Variants in HNRNPC observed in about 807,000 individuals in gnomAD.
The protein encoded by HNRNPC is heterogeneous nuclear ribonucleoproteins C1/C2.
In HNRNPC, 3 loss-of-function variants were observed where a neutral mutation model predicts 33.2. The observed-to-expected ratio is 0.09, with a 90% CI of 0.04 to 0.23. HNRNPC has a LOEUF of 0.23. HNRNPC is among the 10% of genes least tolerant of loss of function. The pLI is 1.00. For synonymous variants in HNRNPC, 121 were observed against 126.7 expected, an observed-to-expected ratio of 0.96 and a Z score of 0.30; for missense variants, 143 against 366.7, an observed-to-expected ratio of 0.39 and a Z score of 4.98.
At chr14:21,248,323 G>T (rs1022968750) in intron 2 of HNRNPC, among the ~76,000 whole-genome samples, 1 of 152,168 alleles carries the variant, frequency 6.6e-6, no homozygotes, top group East Asian at 1.9e-4. Flanking sequence ...GATTACAGGC[G>T]TGAGCCCCTG....
chr14:21,227,508 G>A (rs1893608709), intron 5 of HNRNPC, among the ~76,000 whole-genome samples: 1 of 152,154 alleles, frequency 6.6e-6, no homozygotes, highest in Admixed American at 6.5e-5. Flanking sequence ...ATCGGCTGGT[G>A]CAAAAATAAT....
At chr14:21,260,563 G>A (rs1363399523) in intron 2 of HNRNPC, among the ~76,000 whole-genome samples, 2 of 151,902 alleles carry the variant, frequency 1.3e-5, no homozygotes, top group African/African-American at 4.8e-5. Flanking sequence ...TCACACCTGT[G>A]ATCCCAAAAC....
chr14:21,222,961 G>A (rs1297782406), intron 5 of HNRNPC, among the ~76,000 whole-genome samples: 9 of 152,064 alleles, frequency 5.9e-5, no homozygotes, highest in Admixed American at 5.2e-4. Context: ...AGCACTTTGG[G>A]AGGCTGAGGC....
At chr14:21,244,670 G>A (rs1013039722) in intron 2 of HNRNPC, among the ~76,000 whole-genome samples, 5 of 152,108 alleles carry the variant, frequency 3.3e-5, no homozygotes, top group African/African-American at 4.8e-5. Context: ...GAATTGTATC[G>A]TTATGCAATT....
intron 2 of HNRNPC, among the ~76,000 whole-genome samples, chr14:21,261,252 T>C: frequency 6.6e-6 from 1 of 152,182 alleles, no homozygotes; most frequent in Non-Finnish European, 1.5e-5. Flanking sequence ...AACTATTTTT[T>C]ATATCCCCAA....
chr14:21,236,974 ATAGACT>A (rs1894764587), intron 2 of HNRNPC, among the ~76,000 whole-genome samples: 1 of 152,234 alleles, frequency 6.6e-6, no homozygotes, highest in African/African-American at 2.4e-5. Flanking sequence ...TTGGAGAATA[ATAGACT>A]TAGAAATACA....
At position 21,227,212 on chromosome 14, in the gene HNRNPC, A is replaced by C. The variant is rs181992904; in HGVS notation, c.365+3107T>G. Among the ~76,000 whole-genome samples the C allele has an allele frequency of 7.6e-3, 1,152 of 150,992 alleles. 10 individuals carry two copies. Among genetic ancestry groups the C allele is most frequent in the Middle Eastern group, 0.017 (5 of 294 alleles). ...CTGCCCCTCTCCCCACTAAACAAACACTCCTCCTCCTTTCACCTTCATTAA... is the reference window on the plus strand; with the variant it reads ...CTGCCCCTCTCCCCACTAAACAAACCCTCCTCCTCCTTTCACCTTCATTAA... On this transcript the variant is annotated intron_variant, in intron 5 of 8. Coordinates refer to ENST00000553300, the MANE Select transcript of HNRNPC (RefSeq NM_004500.4).
intron 2 of HNRNPC, among the ~76,000 whole-genome samples, chr14:21,257,330 G>A (rs1877393752): frequency 6.6e-6 from 1 of 151,782 alleles, no homozygotes; most frequent in Admixed American, 6.6e-5. Context: ...CACTCCAACA[G>A]AAAGAAGTTT....
chr14:21,266,676 T>C (rs1302614585), intron 1 of HNRNPC, among the ~76,000 whole-genome samples: 1 of 149,358 alleles, frequency 6.7e-6, no homozygotes, highest in African/African-American at 2.5e-5. Context: ...ACCTTCCCAT[T>C]TCCAATGAGA....
chr14:21,259,196 T>C (rs1444111122), intron 2 of HNRNPC, among the ~76,000 whole-genome samples: 3 of 152,198 alleles, frequency 2.0e-5, no homozygotes, highest in Non-Finnish European at 4.4e-5. Context: ...CTTTCACATA[T>C]GGTTTTCTTA....
chr14:21,268,317 G>C (rs1879356250), intron 1 of HNRNPC, among the ~76,000 whole-genome samples: 1 of 152,120 alleles, frequency 6.6e-6, no homozygotes, highest in African/African-American at 2.4e-5. Context: ...TATCCCGAAA[G>C]TCAAATTTTG....
Position 21,256,081 on chromosome 14 carries a change from T to TG in HNRNPC, c.-37+7229dup, listed in dbSNP as rs548830642. Among the ~76,000 whole-genome samples, 15 of 151,656 alleles carry TG rather than the reference T, an allele frequency of 9.9e-5. No individual in the cohort carries two copies. The East Asian group carries it at 2.2e-3, about 22-fold the overall frequency. On this transcript the variant is annotated intron_variant, in intron 2 of 8. Coordinates refer to ENST00000553300, the MANE Select transcript of HNRNPC (RefSeq NM_004500.4). ...ACACAACAAATCACGTGGGATGCCCTGTAAATCACAGAAAAATTTTTGACT... is the reference window on the plus strand; with the variant it reads ...ACACAACAAATCACGTGGGATGCCCTGGTAAATCACAGAAAAATTTTTGACT...
intron 2 of HNRNPC, among the ~76,000 whole-genome samples, chr14:21,255,871 G>A (rs571468780): frequency 1.3e-5 from 2 of 152,190 alleles, no homozygotes; most frequent in Non-Finnish European, 2.9e-5. Context: ...CGCTAAATAA[G>A]GGAAGACACA....
intron 2 of HNRNPC, chr14:21,236,394 T>G (rs1407996684): frequency 6.6e-6 from 1 of 152,190 alleles, no homozygotes; most frequent in Non-Finnish European, 1.5e-5. Flanking sequence ...AAATTCAAGA[T>G]GGAGGCAACA....
In HNRNPC at chr14:21,263,706, T is replaced by C. The variant is rs148111550; in HGVS notation, c.-62-370A>G. 3.9e-5 allele frequency: 6 copies of C among 152,180 alleles called. No individual in the cohort carries two copies. In the East Asian group the frequency reaches 1.2e-3, roughly 29 times the overall value. 9.4% of individuals were successfully genotyped at this position (152,180 alleles called of 1,614,324 possible). Reference sequence around the variant, plus strand: ...TAGTGCACACCAAGTTGCATCATTATGTTTAAAATGTCTTTATAAAATCAG... The same window carrying C: ...TAGTGCACACCAAGTTGCATCATTACGTTTAAAATGTCTTTATAAAATCAG... On this transcript the variant is annotated intron_variant, in intron 1 of 8. Coordinates refer to ENST00000553300, the MANE Select transcript of HNRNPC (RefSeq NM_004500.4).
At position 21,213,090 on chromosome 14, in the gene HNRNPC, A is replaced by T. The variant is rs1422550385; in HGVS notation, c.393T>A (p.Pro131=). 4 of 1,614,058 alleles carry T rather than the reference A, an allele frequency of 2.5e-6. No homozygotes were observed. The highest frequency in any genetic ancestry group is 1.7e-5 in the Admixed American group (1 of 60,024). ...CAGCCCGAGCAATAGGAGGAGGAGG[A>T]GGTACACGTGCTGGGTAACTGTACA... The part of the protein sequence containing the change: ...DRMYSYPARV[P]PPPPIARAVV... Residue 131 remains proline, a synonymous_variant, in exon 6 of 9, where the codon CCT becomes CCA. Coordinates refer to ENST00000553300, the MANE Select transcript of HNRNPC (RefSeq NM_004500.4).
intron 3 of HNRNPC, among the ~76,000 whole-genome samples, chr14:21,233,685 G>A (rs1045653975): frequency 1.3e-5 from 2 of 152,146 alleles, no homozygotes; most frequent in South Asian, 2.1e-4. Flanking sequence ...TTTAGGCAAC[G>A]TTTTTACATT....
At chr14:21,220,558 A>G (rs1045874094) in intron 5 of HNRNPC, among the ~76,000 whole-genome samples, 1 of 152,210 alleles carries the variant, frequency 6.6e-6, no homozygotes, top group African/African-American at 2.4e-5. Context: ...TTCCTGCTAT[A>G]TACAATGCCT....
At chr14:21,211,748 T>C (rs181996289) in intron 7 of HNRNPC, 62 bp downstream of exon 7, 42 of 1,493,032 alleles carry the variant, frequency 2.8e-5, no homozygotes, top group Middle Eastern at 4.4e-4. Context: ...CAACATGTAC[T>C]TTCAAGTGCC....
Sources: allele counts gnomAD v4.1 joint callset (sites outside exome capture counted in the v4.1 genomes callset), GRCh38; gene constraint gnomAD v4.1.1; transcripts MANE v1.5; gene names NCBI Gene and HGNC (gene_info 2026-07-23, HGNC 2026-07-21).